CSMD1: variants seen among roughly 807,000 people sequenced by gnomAD.
The protein encoded by CSMD1 is CUB and Sushi multiple domains 1.
CSMD1 carries 213 observed loss-of-function variants against 417.5 expected under a neutral mutation model. The observed-to-expected ratio is 0.51, with a 90% confidence interval of 0.46 to 0.57. The LOEUF is 0.57. CSMD1 is among the 20% of genes least tolerant of loss of function. The pLI is 0.00. For synonymous variants in CSMD1, 2,862 were observed against 1,736.8 expected (o/e 1.65, Z -16.11); for missense variants, 6,923 against 4,529.7 (o/e 1.53, Z -15.17).
At chr8:2,939,593 A>C (rs1173422807) in intron 69 of CSMD1, among the ~76,000 whole-genome samples, 1 of 152,182 alleles carries the variant, frequency 6.6e-6, no homozygotes, top group Non-Finnish European at 1.5e-5. Context: ...GCCACGTGGC[A>C]AAACCAGAAA....
At chr8:3,857,767 A>G (rs1804415026) in intron 5 of CSMD1, among the ~76,000 whole-genome samples, 3 of 152,340 alleles carry the variant, frequency 2.0e-5, no homozygotes, top group Non-Finnish European at 2.9e-5. Context: ...TAAAAATGTG[A>G]AGAGAGATGC....
intron 25 of CSMD1, among the ~76,000 whole-genome samples, chr8:3,290,401 T>C (rs1409761081): frequency 1.4e-5 from 2 of 146,814 alleles, no homozygotes; most frequent in Non-Finnish European, 1.5e-5. Flanking sequence ...GCATTGAATC[T>C]ATAAGTTACC....
At chr8:4,183,634 G>GC (rs1746286739) in intron 3 of CSMD1, among the ~76,000 whole-genome samples, 1 of 152,092 alleles carries the variant, frequency 6.6e-6, no homozygotes, top group Non-Finnish European at 1.5e-5. Flanking sequence ...AAATTGATAA[G>GC]CACAATTTTA....
chr8:3,173,468 T>G (rs1207216710), intron 37 of CSMD1, among the ~76,000 whole-genome samples: 1 of 152,220 alleles, frequency 6.6e-6, no homozygotes, highest in East Asian at 1.9e-4. Context: ...AGGAATGCAT[T>G]GTTTGTGGCC....
intron 3 of CSMD1, among the ~76,000 whole-genome samples, chr8:4,238,124 C>A (rs972821406): frequency 6.6e-6 from 1 of 152,166 alleles, no homozygotes. Flanking sequence ...ATGTCTGCCC[C>A]TGGCCTAAAA....
intron 3 of CSMD1, among the ~76,000 whole-genome samples, chr8:4,377,610 G>C (rs929679686): frequency 2.0e-5 from 3 of 152,140 alleles, no homozygotes; most frequent in African/African-American, 7.2e-5. Flanking sequence ...TCAATTTTAT[G>C]ATGTGCAAAA....
intron 3 of CSMD1, among the ~76,000 whole-genome samples, chr8:4,156,231 G>C (rs568581482): frequency 6.6e-6 from 1 of 152,158 alleles, no homozygotes; most frequent in Non-Finnish European, 1.5e-5. Context: ...TGGGGTGGTA[G>C]CAAAATCTTT....
At position 4,545,546 on chromosome 8, in the gene CSMD1, T is replaced by G. The variant is rs148711326; in HGVS notation, c.302+91796A>C. Among the ~76,000 whole-genome samples, 439 of 152,246 alleles carry G rather than the reference T, an allele frequency of 2.9e-3. 3 individuals are homozygous for G. The highest frequency in any genetic ancestry group is 0.011 in the South Asian group (52 of 4,824). On this transcript the variant is annotated intron_variant, in intron 2 of 69. Transcript: ENST00000635120. ...ACGAAAGAATCTACATATATAAAAA[T>G]GTAACACAAAAATGAAAGGTTCTTT...
chr8:3,870,582 G>C (rs1805414932), intron 5 of CSMD1, among the ~76,000 whole-genome samples: 1 of 152,158 alleles, frequency 6.6e-6, no homozygotes, highest in East Asian at 1.9e-4. Context: ...ATTTGTAACA[G>C]AGGATCTCTT....
At chr8:4,619,437 C>T (rs896842653) in intron 2 of CSMD1, among the ~76,000 whole-genome samples, 4 of 152,108 alleles carry the variant, frequency 2.6e-5, no homozygotes, top group Non-Finnish European at 2.9e-5. Flanking sequence ...TAGCGGTCGT[C>T]GTTGTGACAG....
intron 1 of CSMD1, among the ~76,000 whole-genome samples, chr8:4,953,125 A>G (rs1436500202): frequency 1.3e-5 from 2 of 152,160 alleles, no homozygotes; most frequent in Non-Finnish European, 2.9e-5. Context: ...ACAGTTATTA[A>G]CTCAAATTAA....
At chr8:3,790,744 T>A (rs1017747149) in intron 5 of CSMD1, among the ~76,000 whole-genome samples, 1 of 152,154 alleles carries the variant, frequency 6.6e-6, no homozygotes, top group Non-Finnish European at 1.5e-5. Flanking sequence ...ATTTCAAAGA[T>A]AACGACCTTC....
chr8:4,630,626 T>G (rs915970489), intron 2 of CSMD1, among the ~76,000 whole-genome samples: 2 of 152,158 alleles, frequency 1.3e-5, no homozygotes, highest in East Asian at 3.8e-4. Flanking sequence ...CATCCTAAAA[T>G]CTGTAGGTAG....
chr8:3,422,022 G>A (rs1431803014), intron 12 of CSMD1, among the ~76,000 whole-genome samples: 1 of 151,860 alleles, frequency 6.6e-6, no homozygotes, highest in Non-Finnish European at 1.5e-5. Context: ...CCCCACAGAT[G>A]TCTTAGAGCG....
chr8:3,178,722 T>G (rs753758825), intron 37 of CSMD1, among the ~76,000 whole-genome samples: 14 of 152,070 alleles, frequency 9.2e-5, no homozygotes, highest in Non-Finnish European at 1.8e-4. Context: ...TGGCATAGAG[T>G]AAGCGTCTAC....
At chr8:4,209,494 C>T (rs183329311) in intron 3 of CSMD1, among the ~76,000 whole-genome samples, 1 of 152,316 alleles carries the variant, frequency 6.6e-6, no homozygotes, top group African/African-American at 2.4e-5. Context: ...CCCTTAACCT[C>T]ACTCCCATGG....
At chr8:3,823,551 T>TA (rs957456479) in intron 5 of CSMD1, among the ~76,000 whole-genome samples, 48 of 152,234 alleles carry the variant, frequency 3.2e-4, no homozygotes, top group African/African-American at 1.1e-3. Context: ...CTTAATAAAA[T>TA]AAAAAATTTA....
intron 5 of CSMD1, among the ~76,000 whole-genome samples, chr8:3,862,009 C>G (rs1261100680): frequency 6.6e-6 from 1 of 152,120 alleles, no homozygotes; most frequent in Non-Finnish European, 1.5e-5. Flanking sequence ...CATCTAAAAC[C>G]AACACAATCA....
intron 3 of CSMD1, among the ~76,000 whole-genome samples, chr8:4,174,250 G>T (rs767555667): frequency 1.3e-5 from 2 of 152,116 alleles, no homozygotes; most frequent in Non-Finnish European, 2.9e-5. Context: ...CGCTAAAAAG[G>T]AAATGAATCT....
Sources: allele counts gnomAD v4.1 joint callset (sites outside exome capture counted in the v4.1 genomes callset), GRCh38; gene constraint gnomAD v4.1.1; transcripts MANE v1.5; gene names NCBI Gene and HGNC (gene_info 2026-07-23, HGNC 2026-07-21).